Variants in CLIC4 observed in about 807,000 individuals in gnomAD.
CLIC4 encodes the protein CLIC family member 4, also known as chloride intracellular channel protein 4.
In CLIC4, 13 loss-of-function variants were observed where a neutral mutation model predicts 24.6. The observed-to-expected ratio is 0.53, with a 90% CI of 0.34 to 0.84. The LOEUF is 0.84. Ranked by LOEUF, CLIC4 falls within the 40% of genes least tolerant of loss-of-function variation. CLIC4 has a pLI of 0.01. For synonymous variants in CLIC4, 104 were observed against 111.3 expected (o/e 0.93, Z 0.41); for missense variants, 227 against 301.7 (o/e 0.75, Z 1.83).
intron 1 of CLIC4, among the ~76,000 whole-genome samples, chr1:24,755,516 G>A (rs561639593): frequency 8.6e-4 from 130 of 151,606 alleles, no homozygotes; most frequent in African/African-American, 3.0e-3. Flanking sequence ...GGCTGAGGCC[G>A]GAGGATCACT....
intron 3 of CLIC4, among the ~76,000 whole-genome samples, chr1:24,820,267 CTTTTTTTTTTTTT>C (rs372726009): frequency 2.0e-5 from 1 of 49,774 alleles, no homozygotes; most frequent in East Asian, 7.7e-4. Context: ...CCTTTTTGGT[CTTTTTTTTTTTTT>C]TTTTTTTTTT....
intron 1 of CLIC4, among the ~76,000 whole-genome samples, chr1:24,770,901 A>G (rs4648876): frequency 0.59 from 89,034 of 151,962 alleles, 28,304 homozygotes; most frequent in Non-Finnish European, 0.71. Context: ...CTAAATGGTA[A>G]TAGGATTTCT....
At chr1:24,749,228 A>T (rs1013430671) in intron 1 of CLIC4, among the ~76,000 whole-genome samples, 4 of 142,588 alleles carry the variant, frequency 2.8e-5, no homozygotes, top group South Asian at 2.2e-4. Context: ...AATAAAAATT[A>T]AAAAAAAAAA....
At chr1:24,765,643 A>G (rs1183666421) in intron 1 of CLIC4, among the ~76,000 whole-genome samples, 1 of 152,234 alleles carries the variant, frequency 6.6e-6, no homozygotes, top group Non-Finnish European at 1.5e-5. Flanking sequence ...CTGATGACTC[A>G]GCAGGAACCC....
Position 24,843,662 on chromosome 1 carries a change from T to G in CLIC4, c.*2725T>G, listed in dbSNP as rs1463093066. 6.6e-6 allele frequency: 1 copy of G among 152,342 alleles called. No individual in the cohort carries two copies. Among genetic ancestry groups the G allele is most frequent in the Non-Finnish European group, 1.5e-5 (1 of 68,018 alleles). 9.4% of individuals were successfully genotyped at this position (152,342 alleles called of 1,614,324 possible). ...TAAAATTCAAATAAGATTTTATTTC[T>G]TGGTAATTTTGGCTTTCACAATTTA... On this transcript the variant is annotated 3_prime_UTR_variant, in exon 6 of 6. Transcript: ENST00000374379.
chr1:24,776,383 T>C (rs780539888), intron 1 of CLIC4, among the ~76,000 whole-genome samples: 3 of 152,164 alleles, frequency 2.0e-5, no homozygotes, highest in Non-Finnish European at 2.9e-5. Context: ...TCCCCTCCAA[T>C]ATTTGCCTGC....
chr1:24,781,087 CAAAAAAA>C (rs1228000908), intron 1 of CLIC4, among the ~76,000 whole-genome samples: 1 of 61,958 alleles, frequency 1.6e-5, no homozygotes, highest in African/African-American at 7.1e-5. Flanking sequence ...AACTCCATCT[CAAAAAAA>C]AAAAAAAAAA....
At chr1:24,755,035 A>G (rs1365572030) in intron 1 of CLIC4, among the ~76,000 whole-genome samples, 11 of 145,222 alleles carry the variant, frequency 7.6e-5, no homozygotes, top group Non-Finnish European at 1.2e-4. Flanking sequence ...TTGTGTTACT[A>G]CACTCCAGCC....
chr1:24,767,727 C>T (rs1302694839), intron 1 of CLIC4, among the ~76,000 whole-genome samples: 1 of 151,794 alleles, frequency 6.6e-6, no homozygotes, highest in Non-Finnish European at 1.5e-5. Context: ...TCTTTTTTTC[C>T]TCTCTCTCTT....
In CLIC4 at chr1:24,843,951, C is replaced by T. The variant is rs912951502; in HGVS notation, c.*3014C>T. The T allele has an allele frequency of 6.6e-6, 1 of 152,542 alleles. No individual in the cohort carries two copies. The allele number at this position is 152,542 out of a possible 1,614,324, so 9.4% of individuals were successfully genotyped here. ...TCATCATTTAATGATTCACCAATTT[C>T]TTGCATTAATTTGAATTTAAGCATT... is the stretch of plus-strand genomic sequence containing the variant. On this transcript the variant is annotated 3_prime_UTR_variant, in exon 6 of 6. Coordinates refer to ENST00000374379, the MANE Select transcript of CLIC4 (RefSeq NM_013943.3).
chr1:24,778,616 T>A (rs537519810), intron 1 of CLIC4, among the ~76,000 whole-genome samples: 1 of 152,318 alleles, frequency 6.6e-6, no homozygotes, highest in East Asian at 1.9e-4. Context: ...GAAAAAAGGA[T>A]GGACCCTCTG....
At chr1:24,840,081 G>A in intron 5 of CLIC4, 40 bp downstream of exon 5, 2 of 1,559,086 alleles carry the variant, frequency 1.3e-6, no homozygotes, top group South Asian at 2.3e-5. Flanking sequence ...CCATTACCTT[G>A]TATTGTATTT....
intron 1 of CLIC4, among the ~76,000 whole-genome samples, chr1:24,763,226 C>T (rs1638949714): frequency 6.6e-6 from 1 of 151,920 alleles, no homozygotes; most frequent in Admixed American, 6.6e-5. Context: ...AGTGCAAAAA[C>T]CATTTTGTTG....
intron 2 of CLIC4, among the ~76,000 whole-genome samples, chr1:24,798,445 C>T (rs1349384631): frequency 6.6e-6 from 1 of 152,100 alleles, no homozygotes; most frequent in Non-Finnish European, 1.5e-5. Flanking sequence ...AGGTTTCTCT[C>T]CTGGATGACT....
chr1:24,799,645 GGT>G (rs1356246959), intron 2 of CLIC4, among the ~76,000 whole-genome samples: 22 of 137,486 alleles, frequency 1.6e-4, no homozygotes, highest in African/African-American at 5.5e-4. Flanking sequence ...CGGGGAGGGA[GGT>G]GGGGGGGGTC....
intron 1 of CLIC4, among the ~76,000 whole-genome samples, chr1:24,748,846 G>A (rs1293175024): frequency 6.6e-6 from 1 of 152,084 alleles, no homozygotes; most frequent in Non-Finnish European, 1.5e-5. Context: ...GTAAAATGTG[G>A]TAAAGGGCAT....
At position 24,839,988 on chromosome 1, in the gene CLIC4, A is replaced by T. The variant is rs754310843; in HGVS notation, c.544A>T (p.Asn182Tyr). Residue 182 changes from asparagine to tyrosine, a missense_variant, in exon 5 of 6, where the codon AAT (asparagine) becomes TAT (tyrosine). Coordinates refer to ENST00000374379, the MANE Select transcript of CLIC4 (RefSeq NM_013943.3). ...TTCTACACGTAAATTTCTGGATGGC[A>T]ATGAAATGACATTAGCTGATTGCAA... ...KFSTRKFLDGNEMTLADCNLL... is the reference protein window; with the variant it reads ...KFSTRKFLDGYEMTLADCNLL... 6.2e-7 allele frequency: 1 copy of T among 1,614,180 alleles called. No individual in the cohort carries two copies. Among genetic ancestry groups the T allele is most frequent in the South Asian group, 1.1e-5 (1 of 91,076 alleles).
chr1:24,755,663 T>G lies in CLIC4; in HGVS notation c.72+10038T>G, dbSNP rs539225430. On this transcript the variant is annotated intron_variant, in intron 1 of 5. Transcript: ENST00000374379. ...TATAATTAGCCTTATATGGTTTCTGTTTTTTCCTTTATTTAAAATAAAACC... is the reference window on the plus strand; with the variant it reads ...TATAATTAGCCTTATATGGTTTCTGGTTTTTCCTTTATTTAAAATAAAACC... 1.5e-4 allele frequency among the ~76,000 whole-genome samples: 22 copies of G among 151,588 alleles called. 1 individual carries two copies. The South Asian group carries it at 1.5e-3, about 10-fold the overall frequency.
chr1:24,828,385 A>G (rs780634553), intron 4 of CLIC4, among the ~76,000 whole-genome samples: 5 of 151,874 alleles, frequency 3.3e-5, no homozygotes, highest in African/African-American at 9.7e-5. Flanking sequence ...TTTCCTGACT[A>G]ATGTTTCTGT....
Sources: gnomAD v4.1 joint callset for allele counts (sites outside exome capture counted in the v4.1 genomes callset) on GRCh38, gnomAD v4.1.1 for gene constraint, MANE v1.5 for transcripts, NCBI Gene and HGNC (gene_info 2026-07-23, HGNC 2026-07-21) for gene names.